RRN3: variants seen among roughly 807,000 people sequenced by gnomAD.
The protein encoded by RRN3 is RNA polymerase I transcription factor RRN3, also known as RNA polymerase I-specific transcription initiation factor RRN3.
In RRN3, 38 loss-of-function variants were observed where a neutral mutation model predicts 82.3. The ratio of observed to expected loss-of-function variants is 0.46; its 90% confidence interval spans 0.36 to 0.61. The LOEUF is 0.61. Among genes scored for constraint, RRN3 ranks in the 20% least tolerant of loss-of-function variants. The pLI, the probability that RRN3 is intolerant of heterozygous loss-of-function variation, is 0.00. For missense variants in RRN3, 726 were observed against 793.1 expected, an observed-to-expected ratio of 0.92 and a Z score of 1.02; for synonymous variants, 284 against 284.3, an observed-to-expected ratio of 1.00 and a Z score of 0.01.
chr16:15,085,925 A>T (rs2045900617), intron 5 of RRN3, among the ~76,000 whole-genome samples: 2 of 152,178 alleles, frequency 1.3e-5, no homozygotes, highest in African/African-American at 4.8e-5. Context: ...GAGTTCAATA[A>T]AGCAAATAAA....
chr16:15,065,808 T>C (rs1435096102), intron 15 of RRN3, among the ~76,000 whole-genome samples: 1 of 152,036 alleles, frequency 6.6e-6, no homozygotes, highest in Non-Finnish European at 1.5e-5. Flanking sequence ...GAAATAGTGG[T>C]TGGTGAAGAG....
chr16:15,091,162 G>T (rs1218062824), intron 3 of RRN3, among the ~76,000 whole-genome samples, 153 bp downstream of exon 3: 1 of 152,104 alleles, frequency 6.6e-6, no homozygotes, highest in Admixed American at 6.6e-5. Context: ...CTTCTAGGGG[G>T]TAAAACTGTC....
upstream of RRN3, chr16:15,094,317 T>G (rs1195722384): frequency 4.0e-6 from 5 of 1,262,820 alleles, no homozygotes; most frequent in African/African-American, 3.0e-5. Flanking sequence ...AAGTTGCGCG[T>G]GCCAGCGCAA....
Position 15,085,708 on chromosome 16 carries a change from G to A in RRN3, c.473-10C>T. The A allele has an allele frequency of 1.2e-6, 2 of 1,612,728 alleles. No homozygotes were observed. Among genetic ancestry groups the A allele is most frequent in the Non-Finnish European group, 1.7e-6 (2 of 1,179,690 alleles). ...TTAATGATCACTCGGGCTTTTGAGG[G>A]AAAAAGAAAATATGTTATTCTGTCA... On this transcript the variant is annotated splice_polypyrimidine_tract_variant and intron_variant, in intron 5 of 17. Coordinates refer to ENST00000198767, the MANE Select transcript of RRN3 (RefSeq NM_018427.5).
chr16:15,086,739 A>C (rs1046525602), intron 3 of RRN3, among the ~76,000 whole-genome samples: 1 of 152,210 alleles, frequency 6.6e-6, no homozygotes, highest in Non-Finnish European at 1.5e-5. Context: ...ATCACCTCAA[A>C]TGTTGACACC....
intron 8 of RRN3, among the ~76,000 whole-genome samples, chr16:15,082,949 C>T (rs2045765499): frequency 1.3e-5 from 2 of 152,262 alleles, no homozygotes; most frequent in Non-Finnish European, 2.9e-5. Flanking sequence ...GAGCATAAAG[C>T]CACTACAGAT....
Position 15,061,783 on chromosome 16 carries a change from G to A in RRN3, c.1917C>T (p.Gly639=), listed in dbSNP as rs2044722646. ...THFRSPSSSV[G]SPPVLYMQPS... is the part of the protein sequence containing the mutation. The stretch of plus-strand genomic sequence containing the variant: ...GTTGCATGTACAACACGGGTGGGGA[G>A]CCCACACTACTTGAAGGACTTCGGA... The change falls in exon 18 of 18, where the codon GGC becomes GGT. Residue 639 remains glycine (G), a synonymous_variant. Transcript: ENST00000198767. The A allele has an allele frequency of 1.2e-6, 2 of 1,614,060 alleles. No homozygotes were observed. Among genetic ancestry groups the A allele is most frequent in the Non-Finnish European group, 1.7e-6 (2 of 1,179,882 alleles).
chr16:15,074,406 GCACCCTA>G (rs1323549413), intron 11 of RRN3, among the ~76,000 whole-genome samples: 5 of 152,164 alleles, frequency 3.3e-5, no homozygotes, highest in African/African-American at 1.2e-4. Flanking sequence ...ATATATTAGT[GCACCCTA>G]CATCATTCTT....
chr16:15,077,268 C>G (rs1330140007), intron 9 of RRN3, among the ~76,000 whole-genome samples: 2 of 152,028 alleles, frequency 1.3e-5, no homozygotes, highest in Admixed American at 1.3e-4. Flanking sequence ...CATGAGCCAC[C>G]GCGCCTGGCC....
At chr16:15,085,784 T>C in intron 5 of RRN3, 86 bp from the exon 6 acceptor site, 2 of 1,546,160 alleles carry the variant, frequency 1.3e-6, no homozygotes, top group African/African-American at 1.4e-5. Context: ...ACCTAGACAA[T>C]GAACAGCTAT....
Position 15,074,795 on chromosome 16 carries a change from G to A in RRN3, c.925C>T (p.Pro309Ser). 6.2e-7 allele frequency: 1 copy of A among 1,614,016 alleles called. No homozygotes were observed. The highest frequency in any genetic ancestry group is 8.5e-7 in the Non-Finnish European group (1 of 1,179,988). Residue 309 changes from proline (P) to serine (S), a missense_variant, in exon 11 of 18, where the codon CCT (proline) becomes TCT (serine). Pro to Ser is a moderately conservative substitution (Grantham distance 74). Transcript: ENST00000198767. ...GPERLDQMVHPVAERLDILMS... is the reference protein window; with the variant it reads ...GPERLDQMVHSVAERLDILMS... ...AGGATGTCCAGGCGCTCGGCTACAG[G>A]ATGCACCATCTGGTCGAGCCGTTCA... is the stretch of plus-strand genomic sequence containing the variant.
chr16:15,093,250 C>T (rs149635646), intron 1 of RRN3, among the ~76,000 whole-genome samples: 13 of 152,182 alleles, frequency 8.5e-5, no homozygotes, highest in African/African-American at 2.2e-4. Context: ...ATGATCCGCC[C>T]GCCTCGGCCT....
intron 6 of RRN3, among the ~76,000 whole-genome samples, chr16:15,085,049 G>C (rs1194810337): frequency 6.6e-6 from 1 of 152,038 alleles, no homozygotes; most frequent in African/African-American, 2.4e-5. Flanking sequence ...CTGGGCAACA[G>C]AGCGAGACTC....
chr16:15,073,098 C>T lies in RRN3; in HGVS notation c.998-18G>A. 6.2e-7 allele frequency: 1 copy of T among 1,602,242 alleles called. No individual in the cohort carries two copies. Among genetic ancestry groups the T allele is most frequent in the Non-Finnish European group, 8.5e-7 (1 of 1,177,172 alleles). The stretch of plus-strand genomic sequence containing the variant: ...AACCTTACCTATGGAGAAAATCTGG[C>T]ATCTCAGTTTTTATAAAGACATATT... On this transcript the variant is annotated intron_variant, in intron 11 of 17. Transcript: ENST00000198767.
Position 15,076,623 on chromosome 16 carries a change from C to T in RRN3, c.793G>A (p.Asp265Asn). 6.2e-7 allele frequency: 1 copy of T among 1,612,570 alleles called. No individual in the cohort carries two copies. Among genetic ancestry groups the T allele is most frequent in the South Asian group, 1.1e-5 (1 of 91,046 alleles). ...GTTTGAGTTGCTGTTTCTTCAGCAT[C>T]TTCAATACCCTGCCGGGATGCATTC... ...DVNASRQGIE[D>N]AEETATQTCG... Residue 265 changes from aspartate (D) to asparagine (N), a missense_variant, in exon 10 of 18, where the codon GAT becomes AAT. Physicochemically the swap from Asp to Asn is conservative, Grantham distance 23. Around this residue, in one of 4 missense-constraint regions of RRN3, gnomAD observed 344 missense variants for 394.5 expected, o/e 0.87. Coordinates refer to ENST00000198767, the MANE Select transcript of RRN3 (RefSeq NM_018427.5).
intron 3 of RRN3, among the ~76,000 whole-genome samples, chr16:15,087,035 G>T (rs1246489672): frequency 6.6e-6 from 1 of 152,126 alleles, no homozygotes; most frequent in African/African-American, 2.4e-5. Flanking sequence ...GTAATTGTTA[G>T]TGACATGAGA....
chr16:15,074,991 T>C (rs770975509), intron 10 of RRN3, 130 bp from the exon 11 acceptor site: 10 of 927,552 alleles, frequency 1.1e-5, no homozygotes, highest in Non-Finnish European at 1.6e-5. Flanking sequence ...GGCTCACATC[T>C]ATAAGCCCAG....
intron 6 of RRN3, among the ~76,000 whole-genome samples, chr16:15,085,373 A>G (rs1254194805): frequency 1.3e-5 from 2 of 152,130 alleles, no homozygotes; most frequent in African/African-American, 4.8e-5. Flanking sequence ...CAGGGCTTGA[A>G]CTCCTGGGCT....
intron 1 of RRN3, chr16:15,093,940 G>C (rs552666408): frequency 8.3e-6 from 5 of 598,956 alleles, no homozygotes; most frequent in African/African-American, 7.6e-5. Flanking sequence ...CCAGAACAGA[G>C]AACATAGTCA....
Sources: allele counts gnomAD v4.1 joint callset (sites outside exome capture counted in the v4.1 genomes callset), GRCh38; gene constraint gnomAD v4.1.1; regional missense constraint gnomAD v4.1.1; transcripts MANE v1.5; gene names NCBI Gene and HGNC (gene_info 2026-07-23, HGNC 2026-07-21).